Variants in TNS1 observed in about 807,000 individuals in gnomAD.
TNS1 encodes the protein tensin 1.
TNS1 carries 62 observed loss-of-function variants against 168.6 expected under a neutral mutation model. The observed-to-expected ratio is 0.37, with a 90% confidence interval of 0.30 to 0.45. The LOEUF is 0.45. Ranked by LOEUF, TNS1 falls within the 20% of genes least tolerant of loss-of-function variation. The pLI, the probability that TNS1 is intolerant of heterozygous loss-of-function variation, is 1.00. For synonymous variants in TNS1, 934 were observed against 933.2 expected (o/e 1.00, Z -0.02); for missense variants, 2,240 against 2,339.4 (o/e 0.96, Z 0.88).
chr2:217,849,443 GGAT>G (rs1947165034), intron 18 of TNS1, among the ~76,000 whole-genome samples: 1 of 152,196 alleles, frequency 6.6e-6, no homozygotes, highest in South Asian at 2.1e-4. Context: ...CATAAAATGG[GGAT>G]AATAATAGAA....
intron 12 of TNS1, 95 bp downstream of exon 12, chr2:217,890,867 C>G: frequency 7.2e-7 from 1 of 1,390,744 alleles, no homozygotes; most frequent in Non-Finnish European, 1.0e-6. Flanking sequence ...CCCACCTAGG[C>G]ACAGCTATCC....
intron 3 of TNS1, among the ~76,000 whole-genome samples, chr2:217,946,024 C>G (rs778375714): frequency 6.6e-6 from 1 of 152,206 alleles, no homozygotes; most frequent in Non-Finnish European, 1.5e-5. Flanking sequence ...ATTATCCCAA[C>G]GGACATCAAA....
Position 217,995,235 on chromosome 2 carries a change from A to G in TNS1, c.34-4179T>C, listed in dbSNP as rs1009919784. On this transcript the variant is annotated intron_variant, in intron 1 of 32. Transcript: ENST00000682258. The surrounding 1 kb of genome is among the most constrained non-coding windows in gnomAD (Gnocchi z 4.1). Reference sequence around the variant, plus strand: ...CTTAGTTCCGCTGTGAAACAGGGACACTGCGCTGGTCTTGTTGAAACAGCT... The same window carrying G: ...CTTAGTTCCGCTGTGAAACAGGGACGCTGCGCTGGTCTTGTTGAAACAGCT... 6.6e-6 allele frequency among the ~76,000 whole-genome samples: 1 copy of G among 152,196 alleles called. No individual in the cohort carries two copies. The highest frequency in any genetic ancestry group is 6.5e-5 in the Admixed American group (1 of 15,284).
At position 218,033,390 on chromosome 2, in the gene TNS1, C is replaced by T. The variant is rs539773397; in HGVS notation, c.156+430G>A. Among the ~76,000 whole-genome samples, 1 of 152,250 alleles carries T rather than the reference C, an allele frequency of 6.6e-6. No homozygotes were observed. Among genetic ancestry groups the T allele is most frequent in the South Asian group, 2.1e-4 (1 of 4,826 alleles). ...CCCCACCATCCTGGGGAAGTCCTTG[C>T]TCCAGTGGGGCCCCCACCCTCCTAA... On this transcript the variant is annotated intron_variant, in intron 1 of 1. Coordinates refer to the TNS1 transcript ENST00000649572. This position sits in a 1 kb window ranked among gnomAD's most constrained non-coding sequence, Gnocchi z 4.3.
At chr2:217,804,724 G>T in intron 32 of TNS1, 121 bp from the exon 33 acceptor site, 2 of 1,305,554 alleles carry the variant, frequency 1.5e-6, no homozygotes, top group South Asian at 1.4e-5. Context: ...CCTCCAGCAG[G>T]CCTCAGCATC....
chr2:217,830,273 C>T, intron 22 of TNS1: 3 of 1,521,846 alleles, frequency 2.0e-6, no homozygotes. Context: ...TCCCCCGTGG[C>T]TCAGTGTCCC....
chr2:217,866,800 C>T (rs551188672), intron 18 of TNS1, among the ~76,000 whole-genome samples: 20 of 152,292 alleles, frequency 1.3e-4, no homozygotes, highest in Non-Finnish European at 1.9e-4. Context: ...TCCCCTCCCC[C>T]ATCACTGGCC....
chr2:217,905,252 C>T (rs1953515718), intron 6 of TNS1: 1 of 303,862 alleles, frequency 3.3e-6, no homozygotes, highest in Non-Finnish European at 6.7e-6. Context: ...ACAAGGGCCC[C>T]TCCCCAGTAT....
chr2:218,012,921 TC>T (rs1454749175), upstream of TNS1, among the ~76,000 whole-genome samples: 14 of 152,116 alleles, frequency 9.2e-5, no homozygotes, highest in Non-Finnish European at 1.3e-4. Context: ...TCAGTCTTGA[TC>T]CCTTTTCTCC....
Position 217,852,838 on chromosome 2 carries a change from C to T in TNS1, c.1430-3751G>A, listed in dbSNP as rs73992647. Among the ~76,000 whole-genome samples, 666 of 152,302 alleles carry T rather than the reference C, an allele frequency of 4.4e-3. 2 individuals carry two copies. Among genetic ancestry groups the T allele is most frequent in the African/African-American group, 0.014 (579 of 41,560 alleles). On this transcript the variant is annotated intron_variant, in intron 18 of 32. Coordinates refer to ENST00000682258, the MANE Select transcript of TNS1 (RefSeq NM_001387777.1). ...GCAAATTGTTTAATTAACTCCTGTT[C>T]GCTAACTACAAATGGAAATGTCTCT...
chr2:217,891,932 C>T (rs914034482), intron 11 of TNS1, among the ~76,000 whole-genome samples: 3 of 152,328 alleles, frequency 2.0e-5, no homozygotes, highest in East Asian at 3.9e-4. Flanking sequence ...GGACCTGCCT[C>T]GCCACTGCCC....
chr2:217,947,386 C>A (rs560901523), intron 3 of TNS1, among the ~76,000 whole-genome samples: 1 of 152,072 alleles, frequency 6.6e-6, no homozygotes, highest in Admixed American at 6.5e-5. Context: ...GATGGCAGTG[C>A]CTGGCATCGA....
intron 18 of TNS1, among the ~76,000 whole-genome samples, chr2:217,874,023 A>AACACACACACACACACACAC (rs3838561): frequency 9.0e-6 from 1 of 111,476 alleles, no homozygotes; most frequent in Non-Finnish European, 1.8e-5. Flanking sequence ...CCCCCCAACC[A>AACACACACACACACACACAC]ACACACACAC....
chr2:217,997,518 C>T (rs1001098), intron 1 of TNS1, among the ~76,000 whole-genome samples: 34,597 of 152,066 alleles, frequency 0.23, 4,290 homozygotes, highest in East Asian at 0.44. Context: ...ATTTTGATCA[C>T]TTCCTCATGC....
At chr2:217,869,532 G>A (rs1328361065) in intron 18 of TNS1, among the ~76,000 whole-genome samples, 1 of 152,132 alleles carries the variant, frequency 6.6e-6, no homozygotes, top group African/African-American at 2.4e-5. Context: ...AGCCAGGGGT[G>A]GCATCAACCC....
chr2:217,998,456 G>A (rs772140433), intron 1 of TNS1, among the ~76,000 whole-genome samples: 5 of 152,282 alleles, frequency 3.3e-5, no homozygotes, highest in Admixed American at 1.3e-4. Flanking sequence ...GGATTTCCTC[G>A]TTTAATCCTC....
At chr2:218,012,820 G>A (rs1023383850), upstream of TNS1, among the ~76,000 whole-genome samples, 8 of 152,222 alleles carry the variant, frequency 5.3e-5, no homozygotes, top group East Asian at 1.5e-3. Flanking sequence ...AAAGATTCTA[G>A]CCAGGACCCC....
chr2:217,886,946 T>TCCCAG (rs1411171860), intron 12 of TNS1, among the ~76,000 whole-genome samples: 1 of 152,048 alleles, frequency 6.6e-6, no homozygotes, highest in Non-Finnish European at 1.5e-5. Flanking sequence ...CCTGCTTCAC[T>TCCCAG]CCCAGCCCGA....
chr2:217,893,006 G>A lies in TNS1; in HGVS notation c.724C>T (p.Arg242Ter). The A allele has an allele frequency of 2.5e-6, 4 of 1,614,094 alleles. No individual in the cohort carries two copies. The highest frequency in any genetic ancestry group is 1.1e-5 in the South Asian group (1 of 91,070). The stretch of plus-strand genomic sequence containing the variant: ...GCGATGACAACTCCTATCCTGCCTC[G>A]GTTTCCCTGAAAGAGCCCCAAACAC... ...NVVVLHNKGNRGRIGVVIAAY... is the reference protein window; with the variant it reads ...NVVVLHNKGN The change falls in exon 11 of 33, where the codon CGA becomes TGA. Residue 242 changes from arginine to a stop codon, truncating the protein, a stop_gained. Coordinates refer to ENST00000682258, the MANE Select transcript of TNS1 (RefSeq NM_001387777.1). LOFTEE classifies it high-confidence loss of function.
Sources: gnomAD v4.1 joint callset for allele counts (sites outside exome capture counted in the v4.1 genomes callset) on GRCh38, gnomAD v4.1.1 for gene constraint, Gnocchi (gnomAD v3.1) non-coding constraint, MANE v1.5 for transcripts, NCBI Gene and HGNC (gene_info 2026-07-23, HGNC 2026-07-21) for gene names.